Variants in GALNTL6 observed in about 807,000 individuals in gnomAD.
The protein encoded by GALNTL6 is polypeptide N-acetylgalactosaminyltransferase like 6.
GALNTL6 carries 46 observed loss-of-function variants against 73.7 expected under a neutral mutation model. The observed-to-expected ratio is 0.62, with a 90% confidence interval of 0.49 to 0.80. The LOEUF is 0.80. GALNTL6 is among the 30% of genes least tolerant of loss of function. GALNTL6 has a pLI of 0.00. For missense variants in GALNTL6, 604 were observed against 755.0 expected, an observed-to-expected ratio of 0.80 and a Z score of 2.34; for synonymous variants, 259 against 263.7, an observed-to-expected ratio of 0.98 and a Z score of 0.17.
chr4:172,014,332 C>T (rs958327231), intron 2 of GALNTL6, among the ~76,000 whole-genome samples: 1 of 151,996 alleles, frequency 6.6e-6, no homozygotes, highest in African/African-American at 2.4e-5. Flanking sequence ...ATTTTCATTC[C>T]CACCAACAGT....
intron 2 of GALNTL6, among the ~76,000 whole-genome samples, chr4:171,894,868 T>C (rs1736865836): frequency 6.6e-6 from 1 of 151,882 alleles, no homozygotes; most frequent in Non-Finnish European, 1.5e-5. Flanking sequence ...AATTCAAGGA[T>C]AAAATAAAAT....
At chr4:172,912,237 G>A (rs1747242969) in intron 8 of GALNTL6, among the ~76,000 whole-genome samples, 1 of 152,300 alleles carries the variant, frequency 6.6e-6, no homozygotes, top group Admixed American at 6.5e-5. Flanking sequence ...AGAGGTATAA[G>A]AATTTGATTT....
At chr4:172,374,994 CT>C (rs1325616903) in intron 5 of GALNTL6, among the ~76,000 whole-genome samples, 1 of 152,192 alleles carries the variant, frequency 6.6e-6, no homozygotes, top group East Asian at 1.9e-4. Context: ...TCCCCTCCCC[CT>C]ATAGCTTGAA....
chr4:171,913,207 G>T (rs1353714541), intron 2 of GALNTL6, among the ~76,000 whole-genome samples: 1 of 152,184 alleles, frequency 6.6e-6, no homozygotes, highest in Non-Finnish European at 1.5e-5. Context: ...AGATGGAACT[G>T]GAACTGCTCA....
In GALNTL6 at chr4:172,800,884, C is replaced by T. The variant is rs941831959; in HGVS notation, c.554-8477C>T. On this transcript the variant is annotated intron_variant, in intron 5 of 12. Coordinates refer to ENST00000506823, the MANE Select transcript of GALNTL6 (RefSeq NM_001034845.3). ...GAATTATAGTTAATTTTATATTCCC[C>T]GATTTGGAGAAAATACAAAATTCTT... Among the ~76,000 whole-genome samples the T allele has an allele frequency of 5.9e-5, 9 of 151,968 alleles. No homozygotes were observed. In the South Asian group the frequency reaches 1.3e-3, roughly 21 times the overall value.
intron 5 of GALNTL6, among the ~76,000 whole-genome samples, chr4:172,392,003 CT>C (rs1743679168): frequency 6.7e-6 from 1 of 149,772 alleles, no homozygotes; most frequent in African/African-American, 2.5e-5. Flanking sequence ...TTTTTTTTTT[CT>C]TTGAGATGGA....
chr4:172,633,571 G>GTC (rs1739509440), intron 5 of GALNTL6, among the ~76,000 whole-genome samples: 1 of 152,136 alleles, frequency 6.6e-6, no homozygotes. Flanking sequence ...GACTTGCCTT[G>GTC]TCTCAGATAA....
chr4:172,701,959 A>G (rs533709850), intron 5 of GALNTL6, among the ~76,000 whole-genome samples: 2 of 152,194 alleles, frequency 1.3e-5, no homozygotes, highest in South Asian at 4.1e-4. Flanking sequence ...AAACAAAATA[A>G]AAAATATTAC....
At chr4:172,463,247 C>T (rs1322072474) in intron 5 of GALNTL6, among the ~76,000 whole-genome samples, 1 of 150,206 alleles carries the variant, frequency 6.7e-6, no homozygotes, top group African/African-American at 2.5e-5. Flanking sequence ...AAAATAATAT[C>T]AAATGAGGGA....
chr4:172,928,769 T>C (rs909928497), intron 8 of GALNTL6, among the ~76,000 whole-genome samples: 3 of 152,244 alleles, frequency 2.0e-5, no homozygotes, highest in Non-Finnish European at 4.4e-5. Flanking sequence ...CATCTTTAGT[T>C]CTTTCAATTG....
intron 12 of GALNTL6, among the ~76,000 whole-genome samples, chr4:173,029,860 G>T (rs1753383876): frequency 6.6e-6 from 1 of 152,096 alleles, no homozygotes; most frequent in Non-Finnish European, 1.5e-5. Context: ...ACTATAATTT[G>T]TTTCATCCAC....
At chr4:171,853,673 C>A (rs1169544181) in intron 2 of GALNTL6, among the ~76,000 whole-genome samples, 3 of 127,966 alleles carry the variant, frequency 2.3e-5, no homozygotes, top group Admixed American at 9.0e-5. Flanking sequence ...TGCAGTGGTG[C>A]GATCTTGGCT....
At chr4:172,213,006 T>C (rs189005882) in intron 2 of GALNTL6, among the ~76,000 whole-genome samples, 1 of 152,296 alleles carries the variant, frequency 6.6e-6, no homozygotes, top group East Asian at 1.9e-4. Flanking sequence ...TAGTCTTGCA[T>C]TTCCTAAAGT....
chr4:172,026,949 C>G (rs552448426), intron 2 of GALNTL6, among the ~76,000 whole-genome samples: 32 of 152,186 alleles, frequency 2.1e-4, no homozygotes, highest in African/African-American at 7.7e-4. Flanking sequence ...AGTGCAGTGG[C>G]ATGATCACAG....
chr4:171,908,017 C>T (rs867123068), intron 2 of GALNTL6, among the ~76,000 whole-genome samples: 1,809 of 151,774 alleles, frequency 0.012, 39 homozygotes, highest in African/African-American at 0.041. Flanking sequence ...AAGACTTAAA[C>T]GTTAGACCTA....
At chr4:172,325,798 G>T (rs187100774) in intron 4 of GALNTL6, among the ~76,000 whole-genome samples, 1 of 151,458 alleles carries the variant, frequency 6.6e-6, no homozygotes, top group East Asian at 1.9e-4. Flanking sequence ...CATAGAAATG[G>T]AATACTAAAA....
chr4:172,354,193 A>G (rs1165112730), intron 5 of GALNTL6, among the ~76,000 whole-genome samples: 1 of 152,094 alleles, frequency 6.6e-6, no homozygotes, highest in Non-Finnish European at 1.5e-5. Context: ...AGCAATTTTT[A>G]TGTCTCAGAT....
At chr4:172,831,973 T>G (rs1934807962) in intron 7 of GALNTL6, among the ~76,000 whole-genome samples, 2 of 152,210 alleles carry the variant, frequency 1.3e-5, no homozygotes. Flanking sequence ...ATGTCTGTTG[T>G]GTGTAAGCCA....
At chr4:172,217,799 A>AT (rs1695570746) in intron 2 of GALNTL6, among the ~76,000 whole-genome samples, 1 of 152,192 alleles carries the variant, frequency 6.6e-6, no homozygotes, top group African/African-American at 2.4e-5. Context: ...CTGTTAGGAT[A>AT]TATCAGGTAA....
Sources: gnomAD v4.1 joint callset for allele counts (sites outside exome capture counted in the v4.1 genomes callset) on GRCh38, gnomAD v4.1.1 for gene constraint, MANE v1.5 for transcripts, NCBI Gene and HGNC (gene_info 2026-07-23, HGNC 2026-07-21) for gene names.